Variants in MLLT3 observed in about 807,000 individuals in gnomAD.
MLLT3 encodes the protein MLLT3 super elongation complex subunit, also known as protein AF-9.
MLLT3 carries 4 observed loss-of-function variants against 53.2 expected under a neutral mutation model. The observed-to-expected ratio is 0.08, with a 90% CI of 0.04 to 0.17. MLLT3 has a LOEUF of 0.17. Ranked by LOEUF, MLLT3 falls within the 10% of genes least tolerant of loss-of-function variation. MLLT3 has a pLI of 1.00. For synonymous variants in MLLT3, 283 were observed against 230.6 expected (o/e 1.23, Z -2.06); for missense variants, 569 against 684.0 (o/e 0.83, Z 1.87).
At chr9:20,615,980 A>G (rs1820824929) in intron 2 of MLLT3, among the ~76,000 whole-genome samples, 1 of 152,054 alleles carries the variant, frequency 6.6e-6, no homozygotes, top group African/African-American at 2.4e-5. Context: ...GTTAACATAT[A>G]ATAGGTTACT....
At chr9:20,428,114 T>G (rs932512272) in intron 4 of MLLT3, among the ~76,000 whole-genome samples, 2 of 152,052 alleles carry the variant, frequency 1.3e-5, no homozygotes, top group Non-Finnish European at 2.9e-5. Context: ...AGAAAGATAG[T>G]TGCTAAACAT....
intron 2 of MLLT3, among the ~76,000 whole-genome samples, chr9:20,521,347 A>G (rs971768106): frequency 6.6e-6 from 1 of 152,200 alleles, no homozygotes; most frequent in Non-Finnish European, 1.5e-5. Context: ...ATGGGATTAC[A>G]GGCATGAGCC....
At chr9:20,382,825 C>G (rs1009403671) in intron 5 of MLLT3, among the ~76,000 whole-genome samples, 10 of 151,840 alleles carry the variant, frequency 6.6e-5, no homozygotes, top group African/African-American at 2.4e-4. Context: ...TTGCTCTAGC[C>G]TGCAGGGTTT....
chr9:20,456,592 T>G (rs1823976509), intron 3 of MLLT3, 112 bp downstream of exon 3: 1 of 760,500 alleles, frequency 1.3e-6, no homozygotes, highest in Non-Finnish European at 2.2e-6. Context: ...AATTTAACTT[T>G]TATTTTAAAA....
At chr9:20,424,604 C>CA (rs1823097077) in intron 4 of MLLT3, among the ~76,000 whole-genome samples, 1 of 152,136 alleles carries the variant, frequency 6.6e-6, no homozygotes, top group South Asian at 2.1e-4. Context: ...ATATTTTACA[C>CA]AAAAACAGGC....
chr9:20,592,774 T>C (rs903986437), intron 2 of MLLT3, among the ~76,000 whole-genome samples: 14 of 152,170 alleles, frequency 9.2e-5, no homozygotes, highest in African/African-American at 3.1e-4. Flanking sequence ...AGATCCCTCC[T>C]AGAATGCAGG....
At chr9:20,496,069 C>T (rs1341204622) in intron 2 of MLLT3, among the ~76,000 whole-genome samples, 1 of 152,194 alleles carries the variant, frequency 6.6e-6, no homozygotes, top group African/African-American at 2.4e-5. Context: ...TTGTACTGAC[C>T]TGTGCTTAGT....
chr9:20,442,723 C>T (rs890625177), intron 4 of MLLT3, among the ~76,000 whole-genome samples: 1 of 152,122 alleles, frequency 6.6e-6, no homozygotes, highest in South Asian at 2.1e-4. Flanking sequence ...GCTGGAGGTC[C>T]ACTGTGGACC....
chr9:20,521,330 C>T lies in MLLT3; in HGVS notation c.194-64544G>A, dbSNP rs572616455. Reference sequence around the variant, plus strand: ...AGGTGATCTGCCCACCTTGGCCTCCCAAAGTGATGGGATTACAGGCATGAG... The same window carrying T: ...AGGTGATCTGCCCACCTTGGCCTCCTAAAGTGATGGGATTACAGGCATGAG... On this transcript the variant is annotated intron_variant, in intron 2 of 10. Transcript: ENST00000380338. Among the ~76,000 whole-genome samples the T allele has an allele frequency of 3.3e-5, 5 of 152,248 alleles. No individual in the cohort carries two copies. The East Asian group carries it at 9.6e-4, about 29-fold the overall frequency.
intron 3 of MLLT3, among the ~76,000 whole-genome samples, chr9:20,449,386 A>G (rs1823786771): frequency 1.3e-5 from 2 of 152,180 alleles, no homozygotes; most frequent in African/African-American, 4.8e-5. Flanking sequence ...AATAATTAGA[A>G]TTTCCGATAC....
chr9:20,353,408 A>G, intron 10 of MLLT3, 117 bp downstream of exon 10: 1 of 835,136 alleles, frequency 1.2e-6, no homozygotes, highest in Non-Finnish European at 2.0e-6. Context: ...TACAGGTGGC[A>G]TTCGCCAGGT....
At chr9:20,437,586 G>GA (rs1156959776) in intron 4 of MLLT3, among the ~76,000 whole-genome samples, 2 of 151,970 alleles carry the variant, frequency 1.3e-5, no homozygotes, top group East Asian at 3.9e-4. Context: ...AATCTAGGAA[G>GA]AAAAAATACA....
At chr9:20,359,939 GTTTA>G (rs1408821949) in intron 8 of MLLT3, among the ~76,000 whole-genome samples, 9 of 152,244 alleles carry the variant, frequency 5.9e-5, no homozygotes, top group Admixed American at 5.2e-4. Flanking sequence ...ACTGAAAATA[GTTTA>G]TTTTAGTTGG....
intron 2 of MLLT3, among the ~76,000 whole-genome samples, chr9:20,531,511 G>T (rs538437719): frequency 2.7e-4 from 41 of 152,146 alleles, no homozygotes; most frequent in Admixed American, 2.4e-3. Flanking sequence ...TCTCTGTCAA[G>T]CAATTAATTG....
intron 2 of MLLT3, among the ~76,000 whole-genome samples, chr9:20,528,712 A>T (rs1818260794): frequency 1.3e-5 from 2 of 152,194 alleles, no homozygotes; most frequent in South Asian, 4.1e-4. Context: ...GATACTTAAG[A>T]TGAAATTTAG....
chr9:20,385,827 T>C (rs115394140), intron 5 of MLLT3, among the ~76,000 whole-genome samples: 113 of 152,330 alleles, frequency 7.4e-4, no homozygotes, highest in African/African-American at 2.6e-3. Context: ...GATTCCATTT[T>C]AATAATGTTC....
intron 2 of MLLT3, among the ~76,000 whole-genome samples, chr9:20,530,584 C>T (rs1818306315): frequency 1.3e-5 from 2 of 152,160 alleles, no homozygotes; most frequent in Admixed American, 1.3e-4. Flanking sequence ...TATATTATGT[C>T]TTGTTCTCTG....
chr9:20,449,292 C>A (rs1221048902), intron 3 of MLLT3, among the ~76,000 whole-genome samples: 1 of 152,166 alleles, frequency 6.6e-6, no homozygotes, highest in East Asian at 1.9e-4. Context: ...AGTAGAAATG[C>A]AGTGAGTATC....
At chr9:20,520,244 T>C (rs1818024449) in intron 2 of MLLT3, among the ~76,000 whole-genome samples, 1 of 151,984 alleles carries the variant, frequency 6.6e-6, no homozygotes, top group Non-Finnish European at 1.5e-5. Flanking sequence ...AAATAACTAA[T>C]GGGTACTAGG....
Sources: allele counts gnomAD v4.1 joint callset (sites outside exome capture counted in the v4.1 genomes callset), GRCh38; gene constraint gnomAD v4.1.1; transcripts MANE v1.5; gene names NCBI Gene and HGNC (gene_info 2026-07-23, HGNC 2026-07-21).